TMEM182: variants seen among roughly 807,000 people sequenced by gnomAD.
TMEM182 encodes the protein transmembrane protein 182.
TMEM182 carries 20 observed loss-of-function variants against 26.8 expected under a neutral mutation model. The observed-to-expected ratio is 0.75, with a 90% CI of 0.53 to 1.09. TMEM182 has a LOEUF of 1.09. Ranked by LOEUF, TMEM182 falls within the 50% of genes least tolerant of loss-of-function variation. The pLI is 0.00. For missense variants in TMEM182, 277 were observed against 275.5 expected, an observed-to-expected ratio of 1.01 and a Z score of -0.04; for synonymous variants, 109 against 102.2, an observed-to-expected ratio of 1.07 and a Z score of -0.40.
At chr2:102,843,054 G>T (rs1683384009) in intron 3 of TMEM182, among the ~76,000 whole-genome samples, 1 of 152,176 alleles carries the variant, frequency 6.6e-6, no homozygotes, top group African/African-American at 2.4e-5. Context: ...CAGATGTCAT[G>T]GACAGGTAGT....
At chr2:102,784,117 A>G (rs1175718163) in intron 3 of TMEM182, among the ~76,000 whole-genome samples, 2 of 151,944 alleles carry the variant, frequency 1.3e-5, no homozygotes, top group Non-Finnish European at 2.9e-5. Flanking sequence ...GCTGATAGCT[A>G]CTCTTATCTC....
intron 3 of TMEM182, chr2:102,834,300 ACCCT>A: frequency 1.3e-6 from 1 of 799,694 alleles, no homozygotes; most frequent in Non-Finnish European, 1.5e-6. Context: ...AAAGAAAAAA[ACCCT>A]CATCCATTTA....
chr2:102,836,875 A>T (rs1173382687), intron 3 of TMEM182, among the ~76,000 whole-genome samples: 2 of 152,200 alleles, frequency 1.3e-5, no homozygotes, highest in Admixed American at 6.5e-5. Context: ...TTATACTGGG[A>T]ATCCTGATGG....
intron 3 of TMEM182, among the ~76,000 whole-genome samples, chr2:102,834,139 T>A (rs1472831791): frequency 6.6e-6 from 1 of 152,230 alleles, no homozygotes; most frequent in Non-Finnish European, 1.5e-5. Flanking sequence ...TTAATTTCCC[T>A]GCTCTACGAA....
chr2:102,774,806 T>C (rs1416054559), intron 3 of TMEM182, among the ~76,000 whole-genome samples: 1 of 152,238 alleles, frequency 6.6e-6, no homozygotes, highest in African/African-American at 2.4e-5. Context: ...TTCTGTTTCA[T>C]TGATCTATGT....
chr2:102,828,172 T>G (rs187209051), intron 3 of TMEM182, among the ~76,000 whole-genome samples: 10 of 152,286 alleles, frequency 6.6e-5, no homozygotes, highest in African/African-American at 2.4e-4. Context: ...TGTGGCTTGG[T>G]TTGGGGACAT....
At position 102,744,313 on chromosome 2, in the gene TMEM182, TAAA is replaced by T. The variant is rs199637234; in HGVS notation, c.-83+7301_-83+7303del. ...ATACGCTTATAAATCGCACCTAGCT[TAAA>T]GAAGACTCAAGAACAATTTGAAAAT... On this transcript the variant is annotated intron_variant, in intron 1 of 5. Coordinates refer to the TMEM182 transcript ENST00000409173. 5.3e-4 allele frequency among the ~76,000 whole-genome samples: 80 copies of T among 152,278 alleles called. No individual in the cohort carries two copies. The East Asian group carries it at 0.015, about 28-fold the overall frequency.
At chr2:102,741,321 C>T (rs538840158) in intron 1 of TMEM182, among the ~76,000 whole-genome samples, 3 of 152,072 alleles carry the variant, frequency 2.0e-5, no homozygotes, top group Non-Finnish European at 4.4e-5. Context: ...TTTAGGGATA[C>T]CCCCACAATT....
chr2:102,737,838 T>C (rs1412827794), intron 1 of TMEM182, among the ~76,000 whole-genome samples: 1 of 152,236 alleles, frequency 6.6e-6, no homozygotes, highest in African/African-American at 2.4e-5. Flanking sequence ...TATTTATTCC[T>C]CTTTCACTGT....
At chr2:102,777,825 C>T (rs557397788) in intron 3 of TMEM182, among the ~76,000 whole-genome samples, 4 of 148,118 alleles carry the variant, frequency 2.7e-5, no homozygotes, top group African/African-American at 1.0e-4. Context: ...TCCAGTACTA[C>T]GTTTCTGTCA....
At chr2:102,744,436 A>T (rs569391254) in intron 1 of TMEM182, among the ~76,000 whole-genome samples, 1 of 152,306 alleles carries the variant, frequency 6.6e-6, no homozygotes, top group East Asian at 1.9e-4. Context: ...TATTAAATGT[A>T]TATATTAGAA....
At chr2:102,797,591 A>G (rs1681922050) in intron 3 of TMEM182, among the ~76,000 whole-genome samples, 1 of 152,130 alleles carries the variant, frequency 6.6e-6, no homozygotes. Context: ...ATCGTGATGG[A>G]AAAAAGAGCT....
Position 102,755,262 on chromosome 2 carries a change from A to G in TMEM182, c.-82-3127A>G, listed in dbSNP as rs1278615722. Among the ~76,000 whole-genome samples, 5 of 152,228 alleles carry G rather than the reference A, an allele frequency of 3.3e-5. No homozygotes were observed. In the South Asian group the frequency reaches 8.3e-4, roughly 25 times the overall value. On this transcript the variant is annotated intron_variant, in intron 1 of 5. Transcript: ENST00000409173. ...TCTTAGCCAGGCACGTTATTCCTTC[A>G]GATATCTGATTTTACAAATTGACTT...
downstream of TMEM182, among the ~76,000 whole-genome samples, chr2:102,819,691 C>T (rs188115309): frequency 1.2e-3 from 177 of 152,152 alleles, no homozygotes; most frequent in Non-Finnish European, 2.1e-3. Context: ...TATACATGAA[C>T]GCGTAGAAGA....
At chr2:102,764,164 T>G (rs1450584338) in intron 2 of TMEM182, among the ~76,000 whole-genome samples, 165 bp from the exon 3 acceptor site, 1 of 152,220 alleles carries the variant, frequency 6.6e-6, no homozygotes. Context: ...GATATGAGTT[T>G]CCTAGAAGGC....
intron 3 of TMEM182, among the ~76,000 whole-genome samples, chr2:102,776,573 C>T (rs142054990): frequency 3.2e-4 from 49 of 152,270 alleles, no homozygotes; most frequent in Non-Finnish European, 5.4e-4. Flanking sequence ...TGAAGCACAT[C>T]TTGGTTGCCT....
chr2:102,771,206 G>A (rs1405400455), intron 3 of TMEM182, among the ~76,000 whole-genome samples: 2 of 152,064 alleles, frequency 1.3e-5, no homozygotes, highest in Non-Finnish European at 2.9e-5. Flanking sequence ...TAAATGTCAA[G>A]TACTTAGATA....
chr2:102,760,776 A>T (rs1034077966), upstream of TMEM182, among the ~76,000 whole-genome samples: 2 of 151,920 alleles, frequency 1.3e-5, no homozygotes, highest in Non-Finnish European at 2.9e-5. Context: ...CACCATGCCC[A>T]GCTAATTTTT....
At chr2:102,833,231 G>T (rs767897423) in intron 3 of TMEM182, among the ~76,000 whole-genome samples, 75 of 152,056 alleles carry the variant, frequency 4.9e-4, no homozygotes, top group Non-Finnish European at 2.1e-4. Flanking sequence ...TCAGTTATTT[G>T]TTCATAGTCT....
Sources: gnomAD v4.1 joint callset for allele counts (sites outside exome capture counted in the v4.1 genomes callset) on GRCh38, gnomAD v4.1.1 for gene constraint, MANE v1.5 for transcripts, NCBI Gene and HGNC (gene_info 2026-07-23, HGNC 2026-07-21) for gene names.